Variants in CFAP65 observed in about 807,000 individuals in gnomAD.
CFAP65 encodes the protein cilia and flagella associated protein 65.
CFAP65 carries 155 observed loss-of-function variants against 208.0 expected under a neutral mutation model. That is an observed-to-expected ratio of 0.75 (90% CI 0.65 to 0.85). The LOEUF is 0.85. Among genes scored for constraint, CFAP65 ranks in the 40% least tolerant of loss-of-function variants. The probability of loss-of-function intolerance (pLI) is 0.00; values close to 1 mark genes in which losing one functional copy is unlikely to be tolerated. For missense variants in CFAP65, 2,294 were observed against 2,451.3 expected, an observed-to-expected ratio of 0.94 and a Z score of 1.36; for synonymous variants, 970 against 986.3, an observed-to-expected ratio of 0.98 and a Z score of 0.31.
chr2:219,010,633 G>C lies in CFAP65; in HGVS notation c.4221C>G (p.Pro1407=), dbSNP rs1246447335. 1 of 1,611,846 alleles carries C rather than the reference G, an allele frequency of 6.2e-7. No homozygotes were observed. Among genetic ancestry groups the C allele is most frequent in the Non-Finnish European group, 8.5e-7 (1 of 1,179,586 alleles). The part of the protein sequence containing the change: ...LIHFQGVGYN[P]HMMGDTAPFH... The stretch of plus-strand genomic sequence containing the variant: ...ATGGGGCTGTGTCCCCCATCATATG[G>C]GGGTTGTAGCCCACTCCCTGGAAGT... The change falls in exon 26 of 35, where the codon CCC becomes CCG. Residue 1407 remains proline (P), a synonymous_variant. Coordinates refer to ENST00000341552, the MANE Select transcript of CFAP65 (RefSeq NM_194302.4).
rs1458848496 is a variant in CFAP65, at chr2:219,032,491, G to A, written c.624C>T (p.Ile208=). 5.0e-6 allele frequency: 8 copies of A among 1,601,622 alleles called. No homozygotes were observed. The highest frequency in any genetic ancestry group is 6.0e-6 in the Non-Finnish European group (7 of 1,174,284). The change falls in exon 6 of 35, where the codon ATC becomes ATT. Residue 208 remains isoleucine, a synonymous_variant. Transcript: ENST00000341552. This position sits in a 1 kb window ranked among gnomAD's most constrained non-coding sequence, Gnocchi z 5.5. ...LSPGITLTLP[I]VFRPLEAKEY... ...TTACCGCCTCCAGAGGCCGGAAGAC[G>A]ATGGGGAGCGTGAGGGTTATGCCTG...
At chr2:219,018,816 A>T (rs1947076025) in intron 21 of CFAP65, 5 of 577,678 alleles carry the variant, frequency 8.7e-6, no homozygotes, top group Non-Finnish European at 1.6e-5. Context: ...CCCAGGCTCC[A>T]TCAGGGCAGT....
In CFAP65 at chr2:219,010,101, G is replaced by A. The variant is rs201174297; in HGVS notation, c.4309-16C>T. On this transcript the variant is annotated splice_polypyrimidine_tract_variant and intron_variant, in intron 26 of 34. Transcript: ENST00000341552. ...GGAAGACATTCTGTGGGTGGAGAGC[G>A]GAGGTAAAGAAATAAGAACCGGCCA... The A allele has an allele frequency of 6.2e-5, 97 of 1,569,404 alleles. No homozygotes were observed. The African/African-American group carries it at 9.3e-4, about 15-fold the overall frequency.
At chr2:219,009,795 G>A (rs372031956) in intron 27 of CFAP65, 147 bp downstream of exon 27, 13 of 360,072 alleles carry the variant, frequency 3.6e-5, no homozygotes, top group African/African-American at 3.3e-4. Flanking sequence ...GTGGGATAGG[G>A]TGGGATGGGA....
Position 219,004,025 on chromosome 2 carries a change from A to G in CFAP65, c.5482T>C (p.Trp1828Arg). The change falls in exon 33 of 35, where the codon TGG becomes CGG. Residue 1828 changes from tryptophan (W) to arginine (R), a missense_variant. Trp to Arg is a moderately radical substitution (Grantham distance 101). Transcript: ENST00000341552. The surrounding 1 kb of genome is among the most constrained non-coding windows in gnomAD (Gnocchi z 4.7). ...ACATTCAGCTGCTGTTGCCACTGCC[A>G]TTGCATGGACTCCTGGGACTCAGGC... ...PQPESQESMQ[W>R]QWQQQLNVMV... The G allele has an allele frequency of 4.3e-6, 7 of 1,613,918 alleles. No individual in the cohort carries two copies. The highest frequency in any genetic ancestry group is 5.9e-6 in the Non-Finnish European group (7 of 1,180,012).
At position 219,021,300 on chromosome 2, in the gene CFAP65, GA is replaced by G; in HGVS notation, c.3131-21del. The G allele has an allele frequency of 6.4e-7, 1 of 1,552,582 alleles. No homozygotes were observed. The highest frequency in any genetic ancestry group is 1.2e-5 in the South Asian group (1 of 80,282). Reference sequence around the variant, plus strand: ...GCAGAGCTGCTCAGGGATGATGCCGGAGGGTCAGTGGGTAGAGGAGGCCCAG... The same window carrying G: ...GCAGAGCTGCTCAGGGATGATGCCGGGGGTCAGTGGGTAGAGGAGGCCCAG... On this transcript the variant is annotated intron_variant, in intron 18 of 34. Coordinates refer to ENST00000341552, the MANE Select transcript of CFAP65 (RefSeq NM_194302.4).
rs532819115 is a variant in CFAP65, at chr2:219,005,655, A to G, written c.4923-93T>C. ...TGGTGGTAGCTGCCCAGTGATGAGG[A>G]CACAGATGAGTTTGAGGCACTCCCA... On this transcript the variant is annotated intron_variant, in intron 31 of 34. Coordinates refer to ENST00000341552, the MANE Select transcript of CFAP65 (RefSeq NM_194302.4). The G allele has an allele frequency of 4.5e-4, 674 of 1,493,826 alleles. 2 individuals are homozygous for G. The African/African-American group carries it at 8.3e-3, about 18-fold the overall frequency. 92.5% of individuals were successfully genotyped at this position (1,493,826 alleles called of 1,614,324 possible). A position where few individuals can be genotyped will look rare whatever the true frequency, so the allele number is the denominator to read the frequency against.
At position 219,009,477 on chromosome 2, in the gene CFAP65, G is replaced by A. The variant is rs1946275978; in HGVS notation, c.4453-17C>T. ...CACAGACACCTGTTGATTTGGGGAA[G>A]GAGTCTCTGGAGATTCACAGGGATG... On this transcript the variant is annotated splice_polypyrimidine_tract_variant and intron_variant, in intron 27 of 34. Transcript: ENST00000341552. 1 of 1,539,964 alleles carries A rather than the reference G, an allele frequency of 6.5e-7. No individual in the cohort carries two copies. Among genetic ancestry groups the A allele is most frequent in the Admixed American group, 1.7e-5 (1 of 59,892 alleles).
In CFAP65 at chr2:219,023,528, A is replaced by T. The variant is rs1574602127; in HGVS notation, c.2596-97T>A. 1.2e-5 allele frequency: 11 copies of T among 894,754 alleles called. 1 individual carries two copies. In the South Asian group the frequency reaches 1.7e-4, roughly 14 times the overall value. 55.4% of individuals were successfully genotyped at this position (894,754 alleles called of 1,614,324 possible). On this transcript the variant is annotated intron_variant, in intron 15 of 34. Transcript: ENST00000341552. Reference sequence around the variant, plus strand: ...AAGCCATGGCTAGGCAGCTTTCCCCACTTGAAGCAGGCAGTCAAAGGCCCT... The same window carrying T: ...AAGCCATGGCTAGGCAGCTTTCCCCTCTTGAAGCAGGCAGTCAAAGGCCCT...
intron 14 of CFAP65, among the ~76,000 whole-genome samples, chr2:219,025,008 C>A (rs1457740161): frequency 6.6e-6 from 1 of 152,142 alleles, no homozygotes; most frequent in African/African-American, 2.4e-5. Flanking sequence ...GGAAACTGGC[C>A]CAGATAATCT....
intron 21 of CFAP65, among the ~76,000 whole-genome samples, chr2:219,017,746 CA>C (rs1001380045): frequency 8.5e-5 from 13 of 152,242 alleles, no homozygotes; most frequent in African/African-American, 3.1e-4. Context: ...CATGCCAGGA[CA>C]CAGGCCAACA....
chr2:219,009,334 G>A lies in CFAP65; in HGVS notation c.4566+13C>T, dbSNP rs1946265457. The A allele has an allele frequency of 3.8e-6, 6 of 1,597,796 alleles. No homozygotes were observed. The South Asian group carries it at 4.4e-5, about 12-fold the overall frequency. On this transcript the variant is annotated intron_variant, in intron 28 of 34. Transcript: ENST00000341552. ...TGCCTCCATCCCACTTTACCCCTGG[G>A]GCTGGTTCCTACCTTGCATACCAGG...
At chr2:219,008,065 C>T (rs916143768) in intron 29 of CFAP65, among the ~76,000 whole-genome samples, 6 of 151,978 alleles carry the variant, frequency 3.9e-5, no homozygotes, top group Non-Finnish European at 7.4e-5. Flanking sequence ...GTGATCTACC[C>T]GCCTTGGCCT....
chr2:219,003,943 G>A lies in CFAP65; in HGVS notation c.5555+9C>T. On this transcript the variant is annotated intron_variant, in intron 33 of 34. Coordinates refer to ENST00000341552, the MANE Select transcript of CFAP65 (RefSeq NM_194302.4). The surrounding 1 kb of genome is among the most constrained non-coding windows in gnomAD (Gnocchi z 4.4). ...TCCCTCCCGTCCTCACTGGGGCCTG[G>A]CTGCTCACCTTCTGATGGCCTCCTT... 6.2e-7 allele frequency: 1 copy of A among 1,605,460 alleles called. No homozygotes were observed. The highest frequency in any genetic ancestry group is 8.5e-7 in the Non-Finnish European group (1 of 1,174,606).
In CFAP65 at chr2:219,009,371, G is replaced by A; in HGVS notation, c.4542C>T (p.Phe1514=). The part of the protein sequence containing the change: ...VTLRASVHAS[F]YSADLVCKLY... ...CCTTGCATACCAGGTCTGCACTGTA[G>A]AAGCTGGCATGCACAGAGGCCCTCA... Residue 1514 remains phenylalanine (F), a synonymous_variant, in exon 28 of 35, where the codon TTC becomes TTT. Transcript: ENST00000341552. 6.2e-7 allele frequency: 1 copy of A among 1,612,546 alleles called. No individual in the cohort carries two copies. Among genetic ancestry groups the A allele is most frequent in the Non-Finnish European group, 8.5e-7 (1 of 1,179,798 alleles).
chr2:219,011,252 T>A (rs1015314023), intron 24 of CFAP65, among the ~76,000 whole-genome samples: 149 of 151,102 alleles, frequency 9.9e-4, no homozygotes, highest in Middle Eastern at 3.4e-3. Flanking sequence ...CTTCATCAAG[T>A]TTTTTTTCTT....
intron 21 of CFAP65, among the ~76,000 whole-genome samples, chr2:219,016,721 C>T (rs1946911195): frequency 1.3e-5 from 2 of 152,220 alleles, no homozygotes; most frequent in African/African-American, 4.8e-5. Flanking sequence ...TTGCCTCAAG[C>T]TGCTAACCCA....
chr2:219,028,295 C>A lies in CFAP65; in HGVS notation c.1757G>T (p.Gly586Val), dbSNP rs1220612692. 1.2e-6 allele frequency: 2 copies of A among 1,614,096 alleles called. No homozygotes were observed. Among genetic ancestry groups the A allele is most frequent in the East Asian group, 2.2e-5 (1 of 44,872 alleles). ...LTWYRTHLARGLTLYPPDILD... is the reference protein window; with the variant it reads ...LTWYRTHLARVLTLYPPDILD... ...GATGTCAGGGGGGTAGAGCGTCAGG[C>A]CCCGGGCCAGGTGTGTGCGGTACCA... Residue 586 changes from glycine (G) to valine (V), a missense_variant, in exon 12 of 35, where the codon GGC (glycine) becomes GTC (valine). Gly to Val is a moderately radical substitution (Grantham distance 109). Transcript: ENST00000341552.
At chr2:219,037,353 T>C (rs113448103) in intron 4 of CFAP65, among the ~76,000 whole-genome samples, 1 of 152,258 alleles carries the variant, frequency 6.6e-6, no homozygotes, top group African/African-American at 2.4e-5. Flanking sequence ...GATTGCACCA[T>C]TGCACTCCAG....
Sources: gnomAD v4.1 joint callset for allele counts (sites outside exome capture counted in the v4.1 genomes callset) on GRCh38, gnomAD v4.1.1 for gene constraint, Gnocchi (gnomAD v3.1) non-coding constraint, MANE v1.5 for transcripts, NCBI Gene and HGNC (gene_info 2026-07-23, HGNC 2026-07-21) for gene names.